Variants in CFAP57 observed in about 807,000 individuals in gnomAD.
CFAP57 encodes the protein cilia and flagella associated protein 57.
A neutral mutation model predicts 146.8 loss-of-function variants in CFAP57; 116 were observed. That is an observed-to-expected ratio of 0.79 (90% CI 0.68 to 0.92). The LOEUF (loss-of-function observed/expected upper bound fraction) is 0.92, where lower values mean the gene tolerates loss of function less well. CFAP57 is among the 40% of genes least tolerant of loss of function. The pLI is 0.00. For missense variants in CFAP57, 1,377 were observed against 1,527.2 expected (o/e 0.90, Z 1.64); for synonymous variants, 518 against 552.8 (o/e 0.94, Z 0.88).
At chr1:43,192,779 T>C (rs1012843647) in intron 6 of CFAP57, among the ~76,000 whole-genome samples, 1 of 150,626 alleles carries the variant, frequency 6.6e-6, no homozygotes, top group Non-Finnish European at 1.5e-5. Flanking sequence ...ACAAAAAAAT[T>C]AGCTGGGCGT....
chr1:43,224,254 C>A, intron 17 of CFAP57, 50 bp downstream of exon 17: 1 of 1,469,604 alleles, frequency 6.8e-7, no homozygotes, highest in Non-Finnish European at 9.0e-7. Flanking sequence ...TGGGCCAAGG[C>A]GAGGAAGGCA....
rs1644998096 is a variant in CFAP57 at position 43,172,420 on chromosome 1, A to G, written c.-53A>G. On this transcript the variant is annotated 5_prime_UTR_variant, in exon 1 of 23. An upstream start codon of the reference 5' UTR is lost. Transcript: ENST00000372492. Reference sequence around the variant, plus strand: ...CCCTACAGGTAGCGCCTCTGGATACATGCGTGGTCTGCTGACCCAGAGAGA... The same window carrying G: ...CCCTACAGGTAGCGCCTCTGGATACGTGCGTGGTCTGCTGACCCAGAGAGA... 1.3e-6 allele frequency: 2 copies of G among 1,551,104 alleles called. No individual in the cohort carries two copies. Among genetic ancestry groups the G allele is most frequent in the Non-Finnish European group, 8.7e-7 (1 of 1,146,808 alleles).
chr1:43,223,959 T>A (rs989898266), intron 16 of CFAP57, 87 bp from the exon 17 acceptor site: 1 of 1,465,026 alleles, frequency 6.8e-7, no homozygotes, highest in South Asian at 1.3e-5. Flanking sequence ...TGGCCAGTGG[T>A]GGGGAGCCCC....
At chr1:43,218,607 C>A (rs200342267) in intron 12 of CFAP57, among the ~76,000 whole-genome samples, 20 of 147,892 alleles carry the variant, frequency 1.4e-4, no homozygotes, top group South Asian at 4.3e-4. Flanking sequence ...AACCATGTCT[C>A]AAAAAAAAAG....
At chr1:43,202,792 AC>A (rs1481981841) in intron 9 of CFAP57, among the ~76,000 whole-genome samples, 3 of 143,168 alleles carry the variant, frequency 2.1e-5, no homozygotes, top group African/African-American at 5.6e-5. Context: ...CAAAAAAAAA[AC>A]AAAATGAAAA....
At chr1:43,227,206 T>G in intron 18 of CFAP57, 80 bp downstream of exon 18, 11 of 1,395,930 alleles carry the variant, frequency 7.9e-6, no homozygotes, top group Non-Finnish European at 1.0e-5. Flanking sequence ...CCTCAGGGAC[T>G]GAGGAGAAGC....
intron 22 of CFAP57, among the ~76,000 whole-genome samples, chr1:43,247,950 C>G (rs1397751532): frequency 6.6e-6 from 1 of 151,906 alleles, no homozygotes; most frequent in African/African-American, 2.4e-5. Flanking sequence ...ATGGTGAAAC[C>G]CTGTCTCTAC....
intron 9 of CFAP57, among the ~76,000 whole-genome samples, chr1:43,202,950 G>A (rs1465016817): frequency 6.6e-6 from 1 of 152,092 alleles, no homozygotes; most frequent in African/African-American, 2.4e-5. Context: ...GAGGTGGGCG[G>A]ATCACGAGGT....
chr1:43,224,745 T>G (rs944675445), intron 17 of CFAP57, among the ~76,000 whole-genome samples: 3 of 152,212 alleles, frequency 2.0e-5, no homozygotes, highest in Admixed American at 6.5e-5. Context: ...ACCCAGTATG[T>G]AGTATCATCC....
chr1:43,192,242 T>A (rs1360672080), intron 6 of CFAP57, among the ~76,000 whole-genome samples: 1 of 152,240 alleles, frequency 6.6e-6, no homozygotes. Context: ...TATATACGTC[T>A]GTTAGGTCTG....
chr1:43,243,589 C>T (rs1014739047), intron 22 of CFAP57, among the ~76,000 whole-genome samples: 5 of 152,166 alleles, frequency 3.3e-5, no homozygotes, highest in Non-Finnish European at 7.4e-5. Context: ...GGTTAGCTAC[C>T]GTTCAGAATG....
intron 13 of CFAP57, 33 bp downstream of exon 13, chr1:43,219,570 T>A: frequency 5.2e-6 from 8 of 1,549,368 alleles, no homozygotes; most frequent in Non-Finnish European, 7.0e-6. Flanking sequence ...CAAGCACAAA[T>A]AACAAGAAAT....
intron 22 of CFAP57, among the ~76,000 whole-genome samples, chr1:43,245,975 A>T (rs1350703365): frequency 6.6e-6 from 1 of 152,234 alleles, no homozygotes; most frequent in Non-Finnish European, 1.5e-5. Flanking sequence ...ATCAAAAAGA[A>T]TAAAATACTT....
chr1:43,227,622 G>C (rs988567271), intron 18 of CFAP57, among the ~76,000 whole-genome samples: 1 of 152,184 alleles, frequency 6.6e-6, no homozygotes, highest in East Asian at 1.9e-4. Flanking sequence ...TATGTTCTGG[G>C]AAGCAAACAG....
intron 1 of CFAP57, 123 bp from the exon 2 acceptor site, chr1:43,172,611 AG>A: frequency 1.7e-6 from 1 of 595,872 alleles, no homozygotes; most frequent in East Asian, 5.2e-5. Flanking sequence ...GGGAGGGACA[AG>A]GGGAGGAGAA....
intron 11 of CFAP57, chr1:43,210,524 A>C (rs986616120): frequency 1.1e-5 from 7 of 613,312 alleles, no homozygotes; most frequent in African/African-American, 2.0e-5. Context: ...ATGTGCTACC[A>C]CATGGATGAA....
At chr1:43,222,572 G>A (rs1645088168) in intron 15 of CFAP57, among the ~76,000 whole-genome samples, 1 of 152,222 alleles carries the variant, frequency 6.6e-6, no homozygotes, top group African/African-American at 2.4e-5. Flanking sequence ...TGGGGTGTTG[G>A]TAAGATTGGG....
intron 3 of CFAP57, among the ~76,000 whole-genome samples, chr1:43,182,967 T>TA (rs1354149202): frequency 6.6e-6 from 1 of 152,204 alleles, no homozygotes; most frequent in African/African-American, 2.4e-5. Context: ...GACCAAGTAA[T>TA]ACGCTTTCAT....
At chr1:43,191,270 T>C (rs1200087883) in intron 6 of CFAP57, among the ~76,000 whole-genome samples, 1 of 152,134 alleles carries the variant, frequency 6.6e-6, no homozygotes, top group Non-Finnish European at 1.5e-5. Flanking sequence ...TGATCCTTTT[T>C]ATTTCTGTAA....
Sources: allele counts gnomAD v4.1 joint callset (sites outside exome capture counted in the v4.1 genomes callset), GRCh38; gene constraint gnomAD v4.1.1; transcripts MANE v1.5; gene names NCBI Gene and HGNC (gene_info 2026-07-23, HGNC 2026-07-21).